The following ERC1 variants were observed in gnomAD, a reference collection of about 807,000 sequenced individuals.
ERC1 encodes ELKS/RAB6-interacting/CAST family member 1.
ERC1 carries 56 observed loss-of-function variants against 132.0 expected under a neutral mutation model. The observed-to-expected ratio is 0.42, with a 90% confidence interval of 0.34 to 0.53. ERC1 has a LOEUF of 0.53. Ranked by LOEUF, ERC1 falls within the 20% of genes least tolerant of loss-of-function variation. ERC1 has a pLI of 0.03. For missense variants in ERC1, 1,202 were observed against 1,349.9 expected (o/e 0.89, Z 1.72); for synonymous variants, 478 against 476.1 (o/e 1.00, Z -0.05).
chr12:1,061,589 C>G (rs920128992), intron 2 of ERC1, among the ~76,000 whole-genome samples: 1 of 152,078 alleles, frequency 6.6e-6, no homozygotes, highest in Non-Finnish European at 1.5e-5. Flanking sequence ...GGTGACAGAG[C>G]AAGACCCTGT....
chr12:990,811 G>A (rs1338735886), upstream of ERC1, among the ~76,000 whole-genome samples: 2 of 151,974 alleles, frequency 1.3e-5, no homozygotes, highest in African/African-American at 4.8e-5. Flanking sequence ...CTTAGGTTTG[G>A]GAAGACACGA....
chr12:1,402,887 G>C (rs1289978573), intron 16 of ERC1, among the ~76,000 whole-genome samples: 1 of 152,026 alleles, frequency 6.6e-6, no homozygotes, highest in Non-Finnish European at 1.5e-5. Flanking sequence ...TTTTATTCTG[G>C]TTAATAGAAC....
intron 12 of ERC1, among the ~76,000 whole-genome samples, chr12:1,206,549 A>C (rs1345941289): frequency 6.6e-6 from 1 of 152,060 alleles, no homozygotes; most frequent in African/African-American, 2.4e-5. Flanking sequence ...GATTTTATTT[A>C]GAGTGATACT....
chr12:1,353,273 G>T (rs1335757567), intron 15 of ERC1, among the ~76,000 whole-genome samples: 1 of 151,982 alleles, frequency 6.6e-6, no homozygotes, highest in Non-Finnish European at 1.5e-5. Flanking sequence ...CTCGTGATCC[G>T]CCTGCCTCGG....
intron 2 of ERC1, among the ~76,000 whole-genome samples, chr12:1,043,418 T>C (rs1416218225): frequency 2.6e-5 from 4 of 152,170 alleles, no homozygotes; most frequent in African/African-American, 9.7e-5. Flanking sequence ...TTTTTGGATT[T>C]CTCTTGGTAT....
intron 15 of ERC1, among the ~76,000 whole-genome samples, chr12:1,336,312 G>A (rs751581650): frequency 5.3e-5 from 8 of 151,546 alleles, no homozygotes; most frequent in African/African-American, 1.5e-4. Context: ...GTTTGCTCTC[G>A]GTTCTCTAGT....
intron 15 of ERC1, among the ~76,000 whole-genome samples, chr12:1,350,234 A>G (rs1263581794): frequency 2.6e-5 from 4 of 152,196 alleles, no homozygotes; most frequent in African/African-American, 9.7e-5. Context: ...TGAATTTAGT[A>G]TCTAGTGTTA....
At chr12:1,055,720 G>A (rs1247405547) in intron 2 of ERC1, among the ~76,000 whole-genome samples, 1 of 152,194 alleles carries the variant, frequency 6.6e-6, no homozygotes, top group East Asian at 1.9e-4. Context: ...ACTGCTGGAT[G>A]GTTCTGCCAC....
chr12:1,041,896 G>C (rs973162127), intron 2 of ERC1, among the ~76,000 whole-genome samples: 1 of 152,052 alleles, frequency 6.6e-6, no homozygotes, highest in East Asian at 1.9e-4. Flanking sequence ...CAACAGGCCT[G>C]CGCCATCACA....
At chr12:1,266,666 A>C (rs920907910) in intron 14 of ERC1, among the ~76,000 whole-genome samples, 1 of 151,938 alleles carries the variant, frequency 6.6e-6, no homozygotes, top group African/African-American at 2.4e-5. Context: ...CGGCCTCTGA[A>C]AGTGCTGGGA....
chr12:1,177,277 C>T (rs139153516), intron 8 of ERC1, among the ~76,000 whole-genome samples: 1 of 152,166 alleles, frequency 6.6e-6, no homozygotes, highest in African/African-American at 2.4e-5. Flanking sequence ...CCTTCAGTAA[C>T]TTGACTGTTT....
At chr12:1,469,634 G>GC (rs2093816989) in intron 18 of ERC1, among the ~76,000 whole-genome samples, 1 of 152,228 alleles carries the variant, frequency 6.6e-6, no homozygotes, top group South Asian at 2.1e-4. Context: ...AGTATGGAGA[G>GC]CCTTAAGCAT....
Position 1,447,712 on chromosome 12 carries a change from C to T in ERC1, c.3213+2962C>T, listed in dbSNP as rs187813357. 5.3e-3 allele frequency among the ~76,000 whole-genome samples: 799 copies of T among 152,008 alleles called. 5 individuals are homozygous for T. The highest frequency in any genetic ancestry group is 0.018 in the African/African-American group (741 of 41,492). ...TCACCCAGGCTGGAGTGCAGTGGCA[C>T]GATCTCAGCTCACTGCAAGCTCCAC... On this transcript the variant is annotated intron_variant, in intron 18 of 18. Coordinates refer to ENST00000360905, the MANE Select transcript of ERC1 (RefSeq NM_178040.4).
intron 12 of ERC1, among the ~76,000 whole-genome samples, chr12:1,218,893 G>T (rs1958692923): frequency 6.6e-6 from 1 of 150,752 alleles, no homozygotes; most frequent in South Asian, 2.1e-4. Context: ...TTTTTTTTGA[G>T]ATGGAGTCTC....
intron 18 of ERC1, among the ~76,000 whole-genome samples, chr12:1,453,477 T>C (rs1375132423): frequency 6.6e-6 from 1 of 152,196 alleles, no homozygotes; most frequent in Non-Finnish European, 1.5e-5. Flanking sequence ...AATTTGGCCT[T>C]ATGTCTTCTC....
intron 17 of ERC1, among the ~76,000 whole-genome samples, chr12:1,423,110 C>G (rs1267193417): frequency 3.0e-4 from 45 of 152,190 alleles, no homozygotes; most frequent in Admixed American, 2.7e-3. Context: ...TCAGAAACCA[C>G]CAACTAACCC....
intron 1 of ERC1, among the ~76,000 whole-genome samples, chr12:994,868 G>A (rs1039856431): frequency 1.3e-5 from 2 of 152,088 alleles, no homozygotes; most frequent in African/African-American, 4.8e-5. Flanking sequence ...AGGCCAAGGC[G>A]GGCGGATCAT....
rs759962535 is a variant in ERC1, at chr12:1,027,942, G to A, written c.39G>A (p.Pro13=). 1.6e-5 allele frequency: 25 copies of A among 1,612,192 alleles called. No individual in the cohort carries two copies. Among genetic ancestry groups the A allele is most frequent in the South Asian group, 4.4e-5 (4 of 91,004 alleles). ...CCCGCTCTGTTGGGAAGGTGGAGCC[G>A]AGCAGCCAGAGCCCTGGGCGTTCAC... ...GSARSVGKVE[P]SSQSPGRSPR... Residue 13 remains proline, a synonymous_variant, in exon 2 of 19, where the codon CCG becomes CCA. Transcript: ENST00000360905.
At chr12:1,366,847 T>C (rs2086707731) in intron 15 of ERC1, among the ~76,000 whole-genome samples, 1 of 152,172 alleles carries the variant, frequency 6.6e-6, no homozygotes, top group South Asian at 2.1e-4. Flanking sequence ...GTTACTAACA[T>C]GTAAAATGTT....
Sources: allele counts gnomAD v4.1 joint callset (sites outside exome capture counted in the v4.1 genomes callset), GRCh38; gene constraint gnomAD v4.1.1; transcripts MANE v1.5; gene names NCBI Gene and HGNC (gene_info 2026-07-23, HGNC 2026-07-21).